CD83: variants seen among roughly 807,000 people sequenced by gnomAD.
CD83 encodes CD83 molecule.
In CD83, 22 loss-of-function variants were observed where a neutral mutation model predicts 24.6. The ratio of observed to expected loss-of-function variants is 0.90; its 90% CI spans 0.64 to 1.28. CD83 has a LOEUF of 1.28. Ranked by LOEUF, CD83 falls within the 50% of genes most tolerant of loss-of-function variation. The pLI is 0.00. For synonymous variants in CD83, 101 were observed against 103.5 expected, an observed-to-expected ratio of 0.98 and a Z score of 0.14; for missense variants, 253 against 252.8, an observed-to-expected ratio of 1.00 and a Z score of -0.01.
chr6:14,119,163 G>A (rs1759614398), intron 2 of CD83, among the ~76,000 whole-genome samples: 1 of 152,136 alleles, frequency 6.6e-6, no homozygotes, highest in Admixed American at 6.5e-5. Context: ...ATTCTTCACG[G>A]CACCTAATTT....
intron 2 of CD83, among the ~76,000 whole-genome samples, chr6:14,122,303 C>T (rs1759688440): frequency 6.6e-6 from 1 of 152,206 alleles, no homozygotes; most frequent in Non-Finnish European, 1.5e-5. Flanking sequence ...TCAAGGCTGT[C>T]TTCCGTGTAT....
At chr6:14,133,994 A>T (rs1328630065) in intron 4 of CD83, among the ~76,000 whole-genome samples, 1 of 152,102 alleles carries the variant, frequency 6.6e-6, no homozygotes, top group African/African-American at 2.4e-5. Context: ...AAAGTAAGAT[A>T]TAGGAAGGAC....
intron 2 of CD83, among the ~76,000 whole-genome samples, chr6:14,118,574 G>T (rs1416354693): frequency 6.6e-6 from 1 of 152,146 alleles, no homozygotes; most frequent in Non-Finnish European, 1.5e-5. Flanking sequence ...TTTCATCCAT[G>T]GTAGTTATCA....
Position 14,133,563 on chromosome 6 carries a change from G to A in CD83, c.383-86G>A. On this transcript the variant is annotated intron_variant, in intron 3 of 4. Transcript: ENST00000379153. ...GAAGAGGAGACAAGCAGGACTCCAG[G>A]ACCAAGGAACAAAGCATTCTTAGCT... 3.4e-6 allele frequency: 3 copies of A among 874,642 alleles called. No individual in the cohort carries two copies. The East Asian group carries it at 7.3e-5, about 21-fold the overall frequency. 54.2% of individuals were successfully genotyped at this position (874,642 alleles called of 1,614,324 possible).
At chr6:14,132,812 GA>G (rs1757945942) in intron 3 of CD83, among the ~76,000 whole-genome samples, 1 of 152,182 alleles carries the variant, frequency 6.6e-6, no homozygotes, top group South Asian at 2.1e-4. Flanking sequence ...TCCAATGGCA[GA>G]ACCCCCTCCG....
intron 2 of CD83, among the ~76,000 whole-genome samples, chr6:14,119,038 C>A (rs922189723): frequency 6.6e-6 from 1 of 152,212 alleles, no homozygotes; most frequent in Non-Finnish European, 1.5e-5. Context: ...AGAAACTGTA[C>A]GTCTTTGGCC....
intron 2 of CD83, among the ~76,000 whole-genome samples, chr6:14,130,919 C>T (rs1031877614): frequency 6.6e-6 from 1 of 152,226 alleles, no homozygotes; most frequent in Non-Finnish European, 1.5e-5. Flanking sequence ...AGCTGTCTCA[C>T]TGCCATAGTA....
rs1759895332 is a variant in CD83, at chr6:14,129,394, A to G, written c.154-2126A>G. Among the ~76,000 whole-genome samples the G allele has an allele frequency of 6.6e-6, 1 of 152,196 alleles. No homozygotes were observed. Among genetic ancestry groups the G allele is most frequent in the African/African-American group, 2.4e-5 (1 of 41,446 alleles). ...CAGTGTGAGCCCATGACGAGGCTTC[A>G]GTTTATGGTTTACTTAGGCTTGAAA... is the stretch of plus-strand genomic sequence containing the variant. On this transcript the variant is annotated intron_variant, in intron 2 of 4. Transcript: ENST00000379153. This position sits in a 1 kb window ranked among gnomAD's most constrained non-coding sequence, Gnocchi z 4.3.
rs1758038619 is a variant in CD83 at position 14,135,894 on chromosome 6, G to T, written c.*658G>T. The T allele has an allele frequency of 6.6e-6, 1 of 152,220 alleles. No homozygotes were observed. Among genetic ancestry groups the T allele is most frequent in the Non-Finnish European group, 1.5e-5 (1 of 68,060 alleles). 9.4% of individuals were successfully genotyped at this position (152,220 alleles called of 1,614,324 possible). On this transcript the variant is annotated 3_prime_UTR_variant, in exon 5 of 5. Coordinates refer to ENST00000379153, the MANE Select transcript of CD83 (RefSeq NM_004233.4). ...GCCACATTTATTTTTATATCTATAT[G>T]TACTTGTCAAAGAAGGTTTGTGTTT...
intron 2 of CD83, among the ~76,000 whole-genome samples, chr6:14,125,114 A>G (rs1013893714): frequency 6.6e-6 from 1 of 152,244 alleles, no homozygotes; most frequent in African/African-American, 2.4e-5. Context: ...TAAAGCCTTC[A>G]GAGAGCTTGG....
chr6:14,121,089 T>C (rs1007769927), intron 2 of CD83, among the ~76,000 whole-genome samples: 1 of 152,238 alleles, frequency 6.6e-6, no homozygotes, highest in Non-Finnish European at 1.5e-5. Flanking sequence ...TCCTCCCTTA[T>C]ACTTTTTAAG....
In CD83 at chr6:14,136,148, A is replaced by C. The variant is rs1372273962; in HGVS notation, c.*912A>C. 6.6e-6 allele frequency: 1 copy of C among 152,222 alleles called. No individual in the cohort carries two copies. Among genetic ancestry groups the C allele is most frequent in the Non-Finnish European group, 1.5e-5 (1 of 68,062 alleles). 9.4% of individuals were successfully genotyped at this position (152,222 alleles called of 1,614,324 possible). On this transcript the variant is annotated 3_prime_UTR_variant, in exon 5 of 5. Coordinates refer to ENST00000379153, the MANE Select transcript of CD83 (RefSeq NM_004233.4). ...TCTGGTGTCTGCTTTCTCCATTGTA[A>C]ACCACAAGGCTGTTGCATGGGCTAA... is the stretch of plus-strand genomic sequence containing the variant.
chr6:14,121,468 G>A (rs574970666), intron 2 of CD83, among the ~76,000 whole-genome samples: 3 of 151,150 alleles, frequency 2.0e-5, no homozygotes, highest in South Asian at 2.1e-4. Context: ...TGAGCCAATC[G>A]ATTTATCTTT....
At chr6:14,118,112 A>G in intron 2 of CD83, 47 bp downstream of exon 2, 1 of 1,392,728 alleles carries the variant, frequency 7.2e-7, no homozygotes, top group South Asian at 1.2e-5. Context: ...GGCTCATTTG[A>G]AGACAGCAGG....
chr6:14,133,612 G>C, intron 3 of CD83, 37 bp from the exon 4 acceptor site: 1 of 1,413,082 alleles, frequency 7.1e-7, no homozygotes, highest in Non-Finnish European at 9.9e-7. Flanking sequence ...GAAAAATCCT[G>C]TTAAAATGGC....
chr6:14,117,543 G>C (rs1419724287), upstream of CD83: 3 of 149,796 alleles, frequency 2.0e-5, no homozygotes, highest in East Asian at 5.9e-4. The surrounding 1 kb of genome is among the most constrained non-coding windows in gnomAD (Gnocchi z 4.6). Context: ...CGCCCGGCCC[G>C]GGCGCGCGGG....
chr6:14,135,175 C>T lies in CD83; in HGVS notation c.557C>T (p.Pro186Leu), dbSNP rs774627006. The change falls in exon 5 of 5, where the codon CCA becomes CTA. Residue 186 changes from proline to leucine, a missense_variant. Pro to Leu is a moderately conservative substitution (Grantham distance 98). Transcript: ENST00000379153. ...GCTGGCATGGAACGAGCTTTTCTCC[C>T]AGTTACCTCCCCAAATAAGCATTTA... is the stretch of plus-strand genomic sequence containing the variant. ...SKAGMERAFL[P>L]VTSPNKHLGL... is the part of the protein sequence containing the mutation. 1.9e-6 allele frequency: 3 copies of T among 1,614,022 alleles called. No homozygotes were observed. The highest frequency in any genetic ancestry group is 2.5e-6 in the Non-Finnish European group (3 of 1,179,876).
Position 14,131,711 on chromosome 6 carries a change from G to T in CD83, c.345G>T (p.Gln115His). The change falls in exon 3 of 5, where the codon CAG (glutamine) becomes CAT (histidine). Residue 115 changes from glutamine to histidine, a missense_variant. By Grantham distance (24) the Gln-to-His change is conservative (BLOSUM62 0). Transcript: ENST00000379153. The part of the protein sequence containing the change: ...YRCTLQDPDG[Q>H]RNLSGKVILR... Reference sequence around the variant, plus strand: ...GCACTCTGCAGGACCCGGATGGGCAGAGAAACCTAAGTGGCAAGGTGATCT... The same window carrying T: ...GCACTCTGCAGGACCCGGATGGGCATAGAAACCTAAGTGGCAAGGTGATCT... 1 of 1,614,168 alleles carries T rather than the reference G, an allele frequency of 6.2e-7. No homozygotes were observed. The highest frequency in any genetic ancestry group is 8.5e-7 in the Non-Finnish European group (1 of 1,180,004).
rs565146212 is a variant in CD83, at chr6:14,129,251, C to G, written c.154-2269C>G. Among the ~76,000 whole-genome samples, 6 of 152,344 alleles carry G rather than the reference C, an allele frequency of 3.9e-5. No individual in the cohort carries two copies. Among genetic ancestry groups the G allele is most frequent in the African/African-American group, 1.4e-4 (6 of 41,574 alleles). On this transcript the variant is annotated intron_variant, in intron 2 of 4. Transcript: ENST00000379153. This position sits in a 1 kb window ranked among gnomAD's most constrained non-coding sequence, Gnocchi z 4.3. ...GGCCGAGCTAATTATTTCAAACTGGCCTTTCAGGCCATCCTAGACACAGAT... is the reference window on the plus strand; with the variant it reads ...GGCCGAGCTAATTATTTCAAACTGGGCTTTCAGGCCATCCTAGACACAGAT...
Sources: allele counts gnomAD v4.1 joint callset (sites outside exome capture counted in the v4.1 genomes callset), GRCh38; gene constraint gnomAD v4.1.1; non-coding constraint Gnocchi (gnomAD v3.1); transcripts MANE v1.5; gene names NCBI Gene and HGNC (gene_info 2026-07-23, HGNC 2026-07-21).